The following POLR1C variants were observed in gnomAD, a reference collection of about 807,000 sequenced individuals.
POLR1C encodes RNA polymerase I and III subunit C.
A neutral mutation model predicts 38.3 loss-of-function variants in POLR1C; 42 were observed. The observed-to-expected ratio is 1.10, with a 90% CI of 0.86 to 1.42. The LOEUF is 1.42. Among genes scored for constraint, POLR1C ranks in the 40% most tolerant of loss-of-function variants. The pLI, the probability that POLR1C is intolerant of heterozygous loss-of-function variation, is 0.00. For synonymous variants in POLR1C, 163 were observed against 163.9 expected, an observed-to-expected ratio of 0.99 and a Z score of 0.04; for missense variants, 507 against 450.5, an observed-to-expected ratio of 1.13 and a Z score of -1.14.
chr6:43,525,588 G>A (rs1471164469), downstream of POLR1C: 7 of 535,816 alleles, frequency 1.3e-5, no homozygotes, highest in Non-Finnish European at 2.0e-5. Context: ...GGCTTGGGGA[G>A]GCTAAACACC....
chr6:43,546,536 G>A (rs1436572294), intron 9 of POLR1C: 1 of 1,571,998 alleles, frequency 6.4e-7, no homozygotes, highest in African/African-American at 1.4e-5. Flanking sequence ...AGGTAAAGTA[G>A]AAAACAACAG....
Position 43,519,416 on chromosome 6 carries a change from T to A in POLR1C, c.225T>A (p.Ala75=). ...MVGIDAAIAN[A]FRRILLAEVP... ...GAATTGACGCAGCCATTGCCAATGCTTTTCGACGAATTCTGCTAGCTGAGG... is the reference window on the plus strand; with the variant it reads ...GAATTGACGCAGCCATTGCCAATGCATTTCGACGAATTCTGCTAGCTGAGG... The change falls in exon 3 of 9, where the codon GCT becomes GCA. Residue 75 remains alanine, a synonymous_variant. Transcript: ENST00000642195. 1 of 1,613,558 alleles carries A rather than the reference T, an allele frequency of 6.2e-7. No individual in the cohort carries two copies. Among genetic ancestry groups the A allele is most frequent in the Non-Finnish European group, 8.5e-7 (1 of 1,179,450 alleles).
chr6:43,525,220 C>A (rs1429517533), downstream of POLR1C: 21 of 1,568,062 alleles, frequency 1.3e-5, no homozygotes, highest in Non-Finnish European at 1.8e-5. Flanking sequence ...ACATCCTGAA[C>A]AGGAAAAGAT....
downstream of POLR1C, among the ~76,000 whole-genome samples, chr6:43,530,342 T>C (rs1793888509): frequency 6.6e-6 from 1 of 151,240 alleles, no homozygotes; most frequent in African/African-American, 2.4e-5. Context: ...AAGAATAGCT[T>C]GAACCTGAGA....
chr6:43,549,801 T>TC (rs1380231670), intron 9 of POLR1C: 1 of 1,370,610 alleles, frequency 7.3e-7, no homozygotes, highest in East Asian at 2.5e-5. Flanking sequence ...TACTACCCCC[T>TC]CCCATTTATA....
chr6:43,548,173 C>T (rs780144188), intron 9 of POLR1C: 266 of 1,347,154 alleles, frequency 2.0e-4, no homozygotes, highest in Non-Finnish European at 2.6e-4. Flanking sequence ...CTTCAATATC[C>T]TTAACCCCTA....
At position 43,520,751 on chromosome 6, in the gene POLR1C, T is replaced by G; in HGVS notation, c.782T>G (p.Val261Gly). ...EELSRCFSPG[V>G]IEVQEVQGKK... ...TTGAGCAGGTGCTTCTCACCTGGTG[T>G]TATTGAGGTGCAGGAAGTCCAAGGT... Residue 261 changes from valine to glycine, a missense_variant, in exon 7 of 9, where the codon GTT becomes GGT. By Grantham distance (109) the Val-to-Gly change is moderately radical. Coordinates refer to ENST00000642195, the MANE Select transcript of POLR1C (RefSeq NM_203290.4). 1 of 1,614,066 alleles carries G rather than the reference T, an allele frequency of 6.2e-7. No individual in the cohort carries two copies. The highest frequency in any genetic ancestry group is 8.5e-7 in the Non-Finnish European group (1 of 1,179,992).
At chr6:43,547,805 G>A (rs1371461955) in intron 9 of POLR1C, 2 of 1,034,222 alleles carry the variant, frequency 1.9e-6, no homozygotes, top group East Asian at 5.0e-5. Flanking sequence ...TGGCCCTTAA[G>A]AGCAGTTTTT....
At chr6:43,535,550 C>T (rs916142528) in intron 9 of POLR1C, among the ~76,000 whole-genome samples, 7 of 151,402 alleles carry the variant, frequency 4.6e-5, no homozygotes, top group African/African-American at 1.7e-4. Flanking sequence ...TCTGTTTGTT[C>T]TTGCTTAAGA....
At chr6:43,537,040 C>G (rs895080667) in intron 9 of POLR1C, among the ~76,000 whole-genome samples, 1 of 152,102 alleles carries the variant, frequency 6.6e-6, no homozygotes, top group Admixed American at 6.6e-5. Flanking sequence ...GTTCATAGCT[C>G]ACTGCAGCCT....
chr6:43,540,744 C>T (rs1345805406), intron 9 of POLR1C, among the ~76,000 whole-genome samples: 2 of 152,206 alleles, frequency 1.3e-5, no homozygotes, highest in Non-Finnish European at 2.9e-5. Flanking sequence ...TCCCAAAGTG[C>T]TGAGATTACA....
At chr6:43,547,517 G>T in intron 9 of POLR1C, 4 of 1,247,240 alleles carry the variant, frequency 3.2e-6, no homozygotes, top group South Asian at 2.5e-5. Context: ...CACCAGTATA[G>T]AAAAAACAAA....
intron 8 of POLR1C, chr6:43,528,046 A>C: frequency 1.8e-6 from 2 of 1,106,174 alleles, no homozygotes; most frequent in Admixed American, 4.6e-5. Flanking sequence ...GAGAATGACT[A>C]CAACCTACTG....
At chr6:43,528,694 G>T (rs931867900) in intron 8 of POLR1C, 3 of 793,824 alleles carry the variant, frequency 3.8e-6, no homozygotes, top group Non-Finnish European at 6.3e-6. Context: ...TAGTCAGCTG[G>T]GGTAGAAGCT....
At chr6:43,555,785 T>G (rs1395988160) in intron 10 of POLR1C, 2 of 1,609,232 alleles carry the variant, frequency 1.2e-6, no homozygotes, top group East Asian at 4.5e-5. Context: ...TATATATAGT[T>G]TTGATACTGT....
At chr6:43,524,216 G>C (rs1793386584), downstream of POLR1C, among the ~76,000 whole-genome samples, 1 of 152,146 alleles carries the variant, frequency 6.6e-6, no homozygotes, top group Admixed American at 6.5e-5. Flanking sequence ...GCCAGACGTG[G>C]TGGTGCATGC....
rs552748715 is a variant in POLR1C at position 43,521,405 on chromosome 6, G to C, written c.*105G>C. On this transcript the variant is annotated 3_prime_UTR_variant, in exon 9 of 9. Transcript: ENST00000642195. ...TGTGACTAGGGATCCTGAGTTTTCTGGGACAATTCCAGCTTTAATCAATAC... is the reference window on the plus strand; with the variant it reads ...TGTGACTAGGGATCCTGAGTTTTCTCGGACAATTCCAGCTTTAATCAATAC... 170 of 1,596,162 alleles carry C rather than the reference G, an allele frequency of 1.1e-4. No homozygotes were observed. In the Middle Eastern group the frequency reaches 2.0e-3, roughly 19 times the overall value.
At chr6:43,529,423 G>A (rs915623192) in exon 9 of POLR1C, 3 of 345,430 alleles carry the variant, frequency 8.7e-6, no homozygotes, top group East Asian at 8.4e-5. Flanking sequence ...GCATGGGGGC[G>A]AGCGCCTGTA....
In POLR1C at chr6:43,517,122, C is replaced by G; in HGVS notation, c.13C>G (p.Gln5Glu). The G allele has an allele frequency of 6.2e-7, 1 of 1,614,142 alleles. No individual in the cohort carries two copies. The highest frequency in any genetic ancestry group is 8.5e-7 in the Non-Finnish European group (1 of 1,180,012). The stretch of plus-strand genomic sequence containing the variant: ...GGAGAGATTGAAGATGGCGGCTTCT[C>G]AGGCGGTGGAGGAAATGCGGAGCCG... MAAS[Q>E]AVEEMRSRVV... Residue 5 changes from glutamine (Q) to glutamate (E), a missense_variant, in exon 1 of 9, where the codon CAG becomes GAG. Coordinates refer to ENST00000642195, the MANE Select transcript of POLR1C (RefSeq NM_203290.4).
Sources: allele counts gnomAD v4.1 joint callset (sites outside exome capture counted in the v4.1 genomes callset), GRCh38; gene constraint gnomAD v4.1.1; transcripts MANE v1.5; gene names NCBI Gene and HGNC (gene_info 2026-07-23, HGNC 2026-07-21).